Variants in CNTN4 observed in about 807,000 individuals in gnomAD.
CNTN4 encodes contactin 4.
Under a neutral mutation model 122.5 loss-of-function variants are expected in CNTN4, and 77 were observed. That is an observed-to-expected ratio of 0.63 (90% CI 0.52 to 0.76). The LOEUF (loss-of-function observed/expected upper bound fraction) is 0.76, where lower values mean the gene tolerates loss of function less well. Ranked by LOEUF, CNTN4 falls within the 30% of genes least tolerant of loss-of-function variation. The probability of loss-of-function intolerance (pLI) is 0.00; values close to 1 mark genes in which losing one functional copy is unlikely to be tolerated. For synonymous variants in CNTN4, 512 were observed against 447.0 expected, an observed-to-expected ratio of 1.15 and a Z score of -1.83; for missense variants, 1,256 against 1,259.1, an observed-to-expected ratio of 1.00 and a Z score of 0.04.
At position 3,034,745 on chromosome 3, in the gene CNTN4, C is replaced by G; in HGVS notation, c.1897C>G (p.Gln633Glu). The G allele has an allele frequency of 6.2e-7, 1 of 1,614,118 alleles. No individual in the cohort carries two copies. The highest frequency in any genetic ancestry group is 8.5e-7 in the Non-Finnish European group (1 of 1,180,010). ...NHSPITMYVIQARTPFSVGWQ... is the reference protein window; with the variant it reads ...NHSPITMYVIEARTPFSVGWQ... ...CAGCCCCATCACCATGTATGTCATT[C>G]AAGCCAGGACTCCATTCTCCGTGGG... The change falls in exon 17 of 25, where the codon CAA becomes GAA. Residue 633 changes from glutamine (Q) to glutamate (E), a missense_variant. Gln to Glu is a conservative substitution (Grantham distance 29). Coordinates refer to ENST00000418658, the MANE Select transcript of CNTN4 (RefSeq NM_175607.3).
At chr3:2,675,215 C>T (rs899731113) in intron 4 of CNTN4, among the ~76,000 whole-genome samples, 4 of 152,062 alleles carry the variant, frequency 2.6e-5, no homozygotes, top group Non-Finnish European at 4.4e-5. Flanking sequence ...TCTGGCCCTT[C>T]CTGCCTCTCC....
At chr3:2,295,008 C>T (rs534454909) in intron 2 of CNTN4, among the ~76,000 whole-genome samples, 1 of 151,946 alleles carries the variant, frequency 6.6e-6, no homozygotes, top group Non-Finnish European at 1.5e-5. Context: ...GACATGAACT[C>T]ATCATTTTTT....
chr3:2,720,590 A>G lies in CNTN4; in HGVS notation c.56-15625A>G, dbSNP rs114524292. 1.8e-3 allele frequency among the ~76,000 whole-genome samples: 268 copies of G among 152,278 alleles called. 1 individual carries two copies. Among genetic ancestry groups the G allele is most frequent in the African/African-American group, 6.0e-3 (249 of 41,566 alleles). On this transcript the variant is annotated intron_variant, in intron 4 of 24. Coordinates refer to ENST00000418658, the MANE Select transcript of CNTN4 (RefSeq NM_175607.3). ...TCCATGGTGATTTATGTTCAAAAAG[A>G]TCTTATTCCATCTAGACCACAGAAA...
intron 2 of CNTN4, among the ~76,000 whole-genome samples, chr3:2,196,975 G>A (rs1308417979): frequency 6.7e-6 from 1 of 150,282 alleles, no homozygotes; most frequent in Non-Finnish European, 1.5e-5. Context: ...AACCCAGGAG[G>A]CAGAGGTTAC....
At chr3:2,287,650 A>G (rs190706093) in intron 2 of CNTN4, among the ~76,000 whole-genome samples, 910 of 26,000 alleles carry the variant, frequency 0.035, 11 homozygotes, top group South Asian at 0.074. Context: ...GAAGAAGAAG[A>G]AGAAGAAGAA....
At chr3:2,102,234 G>A (rs1383832995) in intron 2 of CNTN4, among the ~76,000 whole-genome samples, 1 of 152,192 alleles carries the variant, frequency 6.6e-6, no homozygotes, top group African/African-American at 2.4e-5. Context: ...TTGTGTGGAG[G>A]CTGGAAAGTT....
chr3:2,915,630 TA>T, intron 12 of CNTN4, among the ~76,000 whole-genome samples: 1 of 152,358 alleles, frequency 6.6e-6, no homozygotes, highest in Middle Eastern at 3.4e-3. Context: ...AGCATGATGT[TA>T]CTCATCCACT....
At chr3:2,332,252 T>A (rs1447354821) in intron 2 of CNTN4, among the ~76,000 whole-genome samples, 1 of 152,222 alleles carries the variant, frequency 6.6e-6, no homozygotes. Flanking sequence ...ACTAGCATTA[T>A]CTTTTACAAA....
At chr3:2,880,624 G>A (rs2093897097) in intron 8 of CNTN4, among the ~76,000 whole-genome samples, 1 of 152,230 alleles carries the variant, frequency 6.6e-6, no homozygotes, top group Admixed American at 6.5e-5. Context: ...AACTCAGACA[G>A]CAGAGGCTAG....
At chr3:3,051,570 C>G (rs369021908) in intron 23 of CNTN4, among the ~76,000 whole-genome samples, 10 of 152,128 alleles carry the variant, frequency 6.6e-5, no homozygotes, top group African/African-American at 2.4e-4. Context: ...CCTGGAGGGC[C>G]GTGATGAGAA....
intron 6 of CNTN4, among the ~76,000 whole-genome samples, chr3:2,814,526 AG>A (rs2092685122): frequency 6.6e-6 from 1 of 152,264 alleles, no homozygotes; most frequent in Non-Finnish European, 1.5e-5. Flanking sequence ...GCAGAGGAAT[AG>A]AAGATTTGAA....
At chr3:2,895,672 A>T (rs1180331099) in intron 10 of CNTN4, among the ~76,000 whole-genome samples, 1 of 152,216 alleles carries the variant, frequency 6.6e-6, no homozygotes, top group Non-Finnish European at 1.5e-5. Context: ...ATTAACAGAA[A>T]AACTAGGAGA....
chr3:2,274,723 G>A (rs2041434869), intron 2 of CNTN4, among the ~76,000 whole-genome samples: 1 of 152,120 alleles, frequency 6.6e-6, no homozygotes, highest in Non-Finnish European at 1.5e-5. Flanking sequence ...GAGGGAGGAG[G>A]GAAGCCATGT....
chr3:2,123,536 C>G (rs149487817), intron 2 of CNTN4, among the ~76,000 whole-genome samples: 71 of 152,232 alleles, frequency 4.7e-4, no homozygotes, highest in Non-Finnish European at 9.3e-4. Flanking sequence ...CTCAGATGCT[C>G]AGATGTCTTT....
At chr3:2,805,615 G>T (rs934150687) in intron 6 of CNTN4, among the ~76,000 whole-genome samples, 1 of 152,190 alleles carries the variant, frequency 6.6e-6, no homozygotes, top group African/African-American at 2.4e-5. Flanking sequence ...TTGTGGTGAG[G>T]TGAGGCTGTA....
intron 6 of CNTN4, among the ~76,000 whole-genome samples, chr3:2,755,244 C>CT (rs1378077678): frequency 2.6e-5 from 4 of 152,116 alleles, no homozygotes; most frequent in Non-Finnish European, 5.9e-5. Flanking sequence ...CATAACTGGC[C>CT]TGACTACTTT....
chr3:2,647,576 C>G (rs1576335848), intron 4 of CNTN4, among the ~76,000 whole-genome samples: 1 of 152,054 alleles, frequency 6.6e-6, no homozygotes, highest in Non-Finnish European at 1.5e-5. Context: ...TATTAGGTCT[C>G]TATTCCAGAG....
chr3:2,484,799 C>T (rs113116242), intron 3 of CNTN4, among the ~76,000 whole-genome samples: 3 of 152,226 alleles, frequency 2.0e-5, no homozygotes, highest in East Asian at 1.9e-4. Context: ...TCAGCCTCTG[C>T]GCCCACTCTG....
rs1014593073 is a variant in CNTN4 at position 2,744,196 on chromosome 3, C to A, written c.183-1326C>A. Among the ~76,000 whole-genome samples, 5 of 152,168 alleles carry A rather than the reference C, an allele frequency of 3.3e-5. No individual in the cohort carries two copies. In the South Asian group the frequency reaches 1.0e-3, roughly 31 times the overall value. On this transcript the variant is annotated intron_variant, in intron 5 of 24. Transcript: ENST00000418658. Reference sequence around the variant, plus strand: ...ACTGCAAAATGGCTTTGAAGTGGGACAGAGGTCTTGACAAAAAGAAGGGAT... The same window carrying A: ...ACTGCAAAATGGCTTTGAAGTGGGAAAGAGGTCTTGACAAAAAGAAGGGAT...
Sources: gnomAD v4.1 joint callset for allele counts (sites outside exome capture counted in the v4.1 genomes callset) on GRCh38, gnomAD v4.1.1 for gene constraint, MANE v1.5 for transcripts, NCBI Gene and HGNC (gene_info 2026-07-23, HGNC 2026-07-21) for gene names.